F11: variants seen among roughly 807,000 people sequenced by gnomAD.
F11 encodes coagualtion factor XI.
A neutral mutation model predicts 76.5 loss-of-function variants in F11; 78 were observed. The observed-to-expected ratio is 1.02, with a 90% CI of 0.85 to 1.23. The LOEUF (loss-of-function observed/expected upper bound fraction) is 1.23, where lower values mean the gene tolerates loss of function less well. Ranked by LOEUF, F11 falls within the 50% of genes most tolerant of loss-of-function variation. The probability of loss-of-function intolerance (pLI) is 0.00; values close to 1 mark genes in which losing one functional copy is unlikely to be tolerated. For synonymous variants in F11, 278 were observed against 276.3 expected (o/e 1.01, Z -0.06); for missense variants, 742 against 771.4 (o/e 0.96, Z 0.45).
chr4:186,282,637 T>A, intron 10 of F11: 1 of 985,078 alleles, frequency 1.0e-6, no homozygotes, highest in Non-Finnish European at 1.2e-6. Flanking sequence ...TTCTAAAATA[T>A]CTTAGTTACT....
At chr4:186,275,358 G>A (rs1453988128) in intron 5 of F11, among the ~76,000 whole-genome samples, 4 of 152,264 alleles carry the variant, frequency 2.6e-5, no homozygotes, top group East Asian at 3.9e-4. Flanking sequence ...AGCCAGGCGC[G>A]GTGGTGGGCG....
At position 186,289,164 on chromosome 4, in the gene F11, T is replaced by TA. The variant is rs147642874; in HGVS notation, c.*558dup. ...GTCATTTCCATTTTAAAATATATAT[T>TA]AAAAAAAATCAGTTCGAGTAGACAC... On this transcript the variant is annotated 3_prime_UTR_variant, in exon 15 of 15. Coordinates refer to ENST00000403665, the MANE Select transcript of F11 (RefSeq NM_000128.4). Among the ~76,000 whole-genome samples, 1 of 151,924 alleles carries TA rather than the reference T, an allele frequency of 6.6e-6. No individual in the cohort carries two copies. Among genetic ancestry groups the TA allele is most frequent in the South Asian group, 2.1e-4 (1 of 4,802 alleles).
At chr4:186,288,389 T>A (rs1741371103) in intron 14 of F11, 64 bp from the exon 15 acceptor site, 1 of 1,605,856 alleles carries the variant, frequency 6.2e-7, no homozygotes, top group East Asian at 2.2e-5. Context: ...CTGAGCAAGA[T>A]GTGCTGAAGA....
chr4:186,284,432 A>G (rs1265141011), intron 11 of F11, among the ~76,000 whole-genome samples, 172 bp downstream of exon 11: 1 of 152,250 alleles, frequency 6.6e-6, no homozygotes, highest in Non-Finnish European at 1.5e-5. Context: ...GTCTCCCAGC[A>G]TCAGAACAGG....
intron 2 of F11, among the ~76,000 whole-genome samples, chr4:186,270,205 C>A (rs192037912): frequency 2.0e-5 from 3 of 152,292 alleles, no homozygotes; most frequent in Non-Finnish European, 1.5e-5. Context: ...CTCGATACAA[C>A]GTCAATATAC....
intron 13 of F11, among the ~76,000 whole-genome samples, chr4:186,286,983 TG>T (rs1741252045): frequency 6.6e-6 from 1 of 152,092 alleles, no homozygotes; most frequent in East Asian, 1.9e-4. Context: ...TTTGTGTTGT[TG>T]TTGTTTTGAG....
chr4:186,282,000 C>T (rs145619381), intron 10 of F11: 67 of 1,252,978 alleles, frequency 5.3e-5, no homozygotes, highest in South Asian at 3.8e-4. Context: ...AAGTCAATTA[C>T]GTCGTATCTC....
intron 2 of F11, among the ~76,000 whole-genome samples, chr4:186,270,280 A>C (rs1450820723): frequency 2.6e-5 from 4 of 152,246 alleles, no homozygotes; most frequent in African/African-American, 9.6e-5. Flanking sequence ...TAGAAGCAGC[A>C]TGTGTTCCAT....
chr4:186,274,594 T>TA (rs1008755751), intron 5 of F11: 13 of 373,790 alleles, frequency 3.5e-5, no homozygotes, highest in African/African-American at 2.3e-4. Context: ...CTTCCCAGTC[T>TA]AAAAAATGTT....
chr4:186,280,852 CTTTCTTT>C (rs1479512886), intron 10 of F11, among the ~76,000 whole-genome samples: 5 of 124,274 alleles, frequency 4.0e-5, no homozygotes, highest in African/African-American at 1.6e-4. Flanking sequence ...TGTTTTCTTT[CTTTCTTT>C]TTTTTTTTTT....
rs1561483883 is a variant in F11, at chr4:186,276,301, T to A, written c.666T>A (p.Asp222Glu). Residue 222 changes from aspartate to glutamate, a missense_variant, in exon 7 of 15, where the codon GAT (aspartate) becomes GAA (glutamate). By Grantham distance (45) the Asp-to-Glu change is conservative. Coordinates refer to ENST00000403665, the MANE Select transcript of F11 (RefSeq NM_000128.4). ...DSNIDSVMAP[D>E]AFVCGRICTH... ...ACATCGACAGTGTCATGGCTCCCGA[T>A]GCTTTTGTCTGTGGCCGAATCTGCA... 1.9e-6 allele frequency: 3 copies of A among 1,614,168 alleles called. No individual in the cohort carries two copies. The highest frequency in any genetic ancestry group is 3.3e-4 in the Middle Eastern group (2 of 6,062).
At chr4:186,276,543 C>A (rs1014640590) in intron 7 of F11, among the ~76,000 whole-genome samples, 153 bp downstream of exon 7, 2 of 150,986 alleles carry the variant, frequency 1.3e-5, no homozygotes, top group Admixed American at 6.6e-5. Context: ...CCTTTCTATT[C>A]CCCACCTACT....
downstream of F11, among the ~76,000 whole-genome samples, chr4:186,289,716 C>T (rs4253433): frequency 0.4 from 59,673 of 149,658 alleles, 12,543 homozygotes; most frequent in Middle Eastern, 0.54. Flanking sequence ...GAAGTCTCAC[C>T]CTGTTGCCCA....
Position 186,275,869 on chromosome 4 carries a change from CT to C in F11, c.569del (p.Leu190ArgfsTer159). 1 of 1,612,496 alleles carries C rather than the reference CT, an allele frequency of 6.2e-7. No homozygotes were observed. The highest frequency in any genetic ancestry group is 2.2e-5 in the East Asian group (1 of 44,868). Reference protein sequence around the residue: ...KLDKVVSGFSLKSCALSNLAC... With the variant: ...KLDKVVSGFSXKSCALSNLAC... ...CGATAAAGTGGTGTCTGGATTTTCA[CT>C]GAAATCCTGTGCACTTTCTAATCTG... On this transcript the variant is annotated frameshift_variant, in exon 6 of 15. Coordinates refer to ENST00000403665, the MANE Select transcript of F11 (RefSeq NM_000128.4). LOFTEE classifies it high-confidence loss of function.
intron 5 of F11, chr4:186,275,096 C>T (rs1194304376): frequency 1.1e-5 from 5 of 446,182 alleles, no homozygotes; most frequent in African/African-American, 2.0e-5. Context: ...ATCTTTAGCT[C>T]AGCTCAGACG....
chr4:186,287,218 C>A (rs1320445262), intron 13 of F11, among the ~76,000 whole-genome samples: 1 of 151,922 alleles, frequency 6.6e-6, no homozygotes, highest in Non-Finnish European at 1.5e-5. Context: ...TCGTGATCCA[C>A]CTGCCTCGGC....
intron 13 of F11, 47 bp downstream of exon 13, chr4:186,286,557 G>A (rs1428557080): frequency 1.6e-5 from 25 of 1,608,388 alleles, no homozygotes; most frequent in South Asian, 9.9e-5. Context: ...AATGAAGAGC[G>A]GAACCTTTTC....
At chr4:186,270,024 C>T (rs532030140) in intron 2 of F11, among the ~76,000 whole-genome samples, 2 of 152,278 alleles carry the variant, frequency 1.3e-5, no homozygotes, top group East Asian at 3.9e-4. Flanking sequence ...TTTCCATTTA[C>T]TCTTGACTGG....
rs1741420657 is a variant in F11, at chr4:186,289,215, C to T, written c.*601C>T. The stretch of plus-strand genomic sequence containing the variant: ...GAGCTAAGAGTGAATGTGAAGATAA[C>T]AGAATTTCTGTGTGGAAGAGGATTA... On this transcript the variant is annotated 3_prime_UTR_variant, in exon 15 of 15. Transcript: ENST00000403665. Among the ~76,000 whole-genome samples the T allele has an allele frequency of 1.3e-5, 2 of 151,988 alleles. No individual in the cohort carries two copies. The highest frequency in any genetic ancestry group is 2.9e-5 in the Non-Finnish European group (2 of 67,996).
Sources: gnomAD v4.1 joint callset for allele counts (sites outside exome capture counted in the v4.1 genomes callset) on GRCh38, gnomAD v4.1.1 for gene constraint, MANE v1.5 for transcripts, NCBI Gene and HGNC (gene_info 2026-07-23, HGNC 2026-07-21) for gene names.